The following TMEM266 variants were observed in gnomAD, a reference collection of about 807,000 sequenced individuals.
TMEM266 encodes Hv1 related protein 1.
A neutral mutation model predicts 50.5 loss-of-function variants in TMEM266; 33 were observed. The ratio of observed to expected loss-of-function variants is 0.65; its 90% CI spans 0.50 to 0.87. The LOEUF (loss-of-function observed/expected upper bound fraction) is 0.87. Ranked by LOEUF, TMEM266 falls within the 40% of genes least tolerant of loss-of-function variation. The pLI is 0.00. For missense variants in TMEM266, 655 were observed against 695.1 expected, an observed-to-expected ratio of 0.94 and a Z score of 0.65; for synonymous variants, 310 against 292.3, an observed-to-expected ratio of 1.06 and a Z score of -0.62.
In TMEM266 at chr15:76,102,376, C is replaced by T. The variant is rs190816128; in HGVS notation, c.-96-31792C>T. Among the ~76,000 whole-genome samples, 462 of 152,008 alleles carry T rather than the reference C, an allele frequency of 3.0e-3. 5 individuals are homozygous for T. The highest frequency in any genetic ancestry group is 0.01 in the African/African-American group (433 of 41,470). The stretch of plus-strand genomic sequence containing the variant: ...AAAGCTGGGAGATAGGGAATGTGGG[C>T]GGGGTGGCTGCTATTTTAATTAGGG... On this transcript the variant is annotated intron_variant, in intron 1 of 10. Coordinates refer to ENST00000388942, the MANE Select transcript of TMEM266 (RefSeq NM_152335.3).
At chr15:76,201,250 G>T (rs1018241886) in intron 9 of TMEM266, among the ~76,000 whole-genome samples, 6 of 152,072 alleles carry the variant, frequency 3.9e-5, no homozygotes, top group African/African-American at 1.4e-4. Context: ...TCACTGCCTC[G>T]CTGCCCTTGG....
chr15:76,075,302 A>G (rs919214459), intron 1 of TMEM266, among the ~76,000 whole-genome samples: 5 of 152,120 alleles, frequency 3.3e-5, no homozygotes, highest in Non-Finnish European at 7.3e-5. Flanking sequence ...CAACAGTTAG[A>G]GGTCAAGAGG....
chr15:76,197,183 A>C (rs1196544447), intron 9 of TMEM266, among the ~76,000 whole-genome samples: 1 of 152,182 alleles, frequency 6.6e-6, no homozygotes, highest in Non-Finnish European at 1.5e-5. Context: ...CTGATCATGA[A>C]GGCAAGGCTT....
At chr15:76,115,775 A>C (rs2037237753) in intron 1 of TMEM266, among the ~76,000 whole-genome samples, 1 of 152,154 alleles carries the variant, frequency 6.6e-6, no homozygotes, top group African/African-American at 2.4e-5. Context: ...TGCATCATTC[A>C]ATATGTATCC....
chr15:76,177,421 C>G (rs1367104427), intron 8 of TMEM266, among the ~76,000 whole-genome samples: 1 of 152,212 alleles, frequency 6.6e-6, no homozygotes, highest in Non-Finnish European at 1.5e-5. Context: ...GGGTGGGGGA[C>G]ACGTCTGTGG....
At chr15:76,196,207 C>G (rs2038653812) in intron 9 of TMEM266, among the ~76,000 whole-genome samples, 1 of 152,172 alleles carries the variant, frequency 6.6e-6, no homozygotes, top group Non-Finnish European at 1.5e-5. Context: ...GGTGCAGATG[C>G]TTCTCCGTCC....
At position 76,160,991 on chromosome 15, in the gene TMEM266, G is replaced by A. The variant is rs1164932139; in HGVS notation, c.456+823G>A. ...CCTGCATCTGGGTGTGGGAGGAATT[G>A]GCTTGGTCCTGCTGCAGGCAGGGTT... On this transcript the variant is annotated intron_variant, in intron 5 of 10. Transcript: ENST00000388942. The surrounding 1 kb of genome is among the most constrained non-coding windows in gnomAD (Gnocchi z 5.7). Among the ~76,000 whole-genome samples, 3 of 152,174 alleles carry A rather than the reference G, an allele frequency of 2.0e-5. No individual in the cohort carries two copies. Among genetic ancestry groups the A allele is most frequent in the Non-Finnish European group, 4.4e-5 (3 of 68,028 alleles).
intron 8 of TMEM266, among the ~76,000 whole-genome samples, chr15:76,189,323 AAAG>A (rs770158827): frequency 6.6e-5 from 10 of 151,138 alleles, no homozygotes; most frequent in Non-Finnish European, 1.0e-4. Context: ...TGTCTCAAAA[AAAG>A]AAAGAGGGAG....
At chr15:76,073,763 A>T (rs79715414) in intron 1 of TMEM266, among the ~76,000 whole-genome samples, 62 of 152,334 alleles carry the variant, frequency 4.1e-4, no homozygotes, top group Non-Finnish European at 7.1e-4. Flanking sequence ...CTATCAAATG[A>T]CACATTGTAG....
At chr15:76,103,155 G>A (rs1039909703) in intron 1 of TMEM266, among the ~76,000 whole-genome samples, 2 of 152,050 alleles carry the variant, frequency 1.3e-5, no homozygotes, top group Admixed American at 6.6e-5. Context: ...CAATTTGGGA[G>A]GTATTATGAA....
At chr15:76,063,576 C>T (rs867204410) in intron 1 of TMEM266, among the ~76,000 whole-genome samples, 1 of 152,180 alleles carries the variant, frequency 6.6e-6, no homozygotes, top group Non-Finnish European at 1.5e-5. Context: ...ACTATCCCCA[C>T]TCCCACAGCA....
intron 9 of TMEM266, among the ~76,000 whole-genome samples, chr15:76,194,964 C>T (rs1202747151): frequency 1.3e-5 from 2 of 152,128 alleles, no homozygotes; most frequent in Non-Finnish European, 2.9e-5. Context: ...GACGATCTTG[C>T]CCCGGGCTGC....
At chr15:76,119,807 G>A (rs937892456) in intron 1 of TMEM266, among the ~76,000 whole-genome samples, 3 of 152,046 alleles carry the variant, frequency 2.0e-5, no homozygotes, top group African/African-American at 7.2e-5. Context: ...AAGAAATATT[G>A]TGATGGGGAT....
chr15:76,155,910 C>T (rs1417899525), intron 3 of TMEM266, among the ~76,000 whole-genome samples: 1 of 152,228 alleles, frequency 6.6e-6, no homozygotes, highest in Admixed American at 6.5e-5. Context: ...GCCCATGTCA[C>T]CGCATTCTTA....
At chr15:76,086,443 T>C (rs959011169) in intron 1 of TMEM266, among the ~76,000 whole-genome samples, 3 of 152,112 alleles carry the variant, frequency 2.0e-5, no homozygotes, top group Middle Eastern at 3.2e-3. Flanking sequence ...ACCAGTGGAG[T>C]ATGTTCAGGT....
Position 76,111,019 on chromosome 15 carries a change from T to C in TMEM266, c.-96-23149T>C, listed in dbSNP as rs537783787. On this transcript the variant is annotated intron_variant, in intron 1 of 10. Transcript: ENST00000388942. ...TGAGGATGTGGAGCAACAGGAACTC[T>C]CATTCACTGCTGATGGGAATGCAAA... 1.1e-3 allele frequency among the ~76,000 whole-genome samples: 162 copies of C among 151,874 alleles called. 2 individuals carry two copies. Among genetic ancestry groups the C allele is most frequent in the Admixed American group, 2.7e-3 (42 of 15,276 alleles).
chr15:76,107,930 G>T (rs78875089), intron 1 of TMEM266, among the ~76,000 whole-genome samples: 5 of 152,180 alleles, frequency 3.3e-5, no homozygotes, highest in Admixed American at 6.5e-5. Flanking sequence ...GCTTTGGGGG[G>T]AACATTTTAG....
At chr15:76,187,871 A>G (rs966500433) in intron 8 of TMEM266, among the ~76,000 whole-genome samples, 2 of 152,184 alleles carry the variant, frequency 1.3e-5, no homozygotes, top group African/African-American at 4.8e-5. Context: ...TGATTTGTTC[A>G]TGTATTCAGC....
At chr15:76,157,152 G>C (rs2037940028) in intron 4 of TMEM266, among the ~76,000 whole-genome samples, 1 of 152,168 alleles carries the variant, frequency 6.6e-6, no homozygotes, top group Non-Finnish European at 1.5e-5. Flanking sequence ...ATCTCAGCTT[G>C]TAGTAACTAA....
Sources: gnomAD v4.1 joint callset for allele counts (sites outside exome capture counted in the v4.1 genomes callset) on GRCh38, gnomAD v4.1.1 for gene constraint, Gnocchi (gnomAD v3.1) non-coding constraint, MANE v1.5 for transcripts, NCBI Gene and HGNC (gene_info 2026-07-23, HGNC 2026-07-21) for gene names.